MAML3: variants seen among roughly 807,000 people sequenced by gnomAD.
The protein encoded by MAML3 is mastermind like transcriptional coactivator 3.
In MAML3, 27 loss-of-function variants were observed where a neutral mutation model predicts 101.9. The observed-to-expected ratio is 0.27, with a 90% CI of 0.20 to 0.37. MAML3 has a LOEUF of 0.37. MAML3 is among the 10% of genes least tolerant of loss of function. The probability of loss-of-function intolerance (pLI) is 1.00; values close to 1 mark genes in which losing one functional copy is unlikely to be tolerated. For synonymous variants in MAML3, 501 were observed against 555.9 expected, an observed-to-expected ratio of 0.90 and a Z score of 1.39; for missense variants, 1,316 against 1,444.9, an observed-to-expected ratio of 0.91 and a Z score of 1.45.
chr4:139,847,008 G>A (rs912919620), intron 2 of MAML3, among the ~76,000 whole-genome samples: 6 of 152,134 alleles, frequency 3.9e-5, no homozygotes, highest in Non-Finnish European at 5.9e-5. Context: ...AGGATTTTCC[G>A]AATCTATGAG....
chr4:139,751,848 C>T (rs1340807455), intron 2 of MAML3, among the ~76,000 whole-genome samples: 2 of 152,170 alleles, frequency 1.3e-5, no homozygotes, highest in African/African-American at 4.8e-5. Flanking sequence ...AGTATCCATT[C>T]TTATCTCTTA....
chr4:139,987,399 G>A (rs1400570110), intron 1 of MAML3, among the ~76,000 whole-genome samples: 1 of 152,186 alleles, frequency 6.6e-6, no homozygotes, highest in Non-Finnish European at 1.5e-5. Flanking sequence ...GGGTTGTTAT[G>A]ATGTCACTTC....
chr4:139,809,296 G>A (rs1730752938), intron 2 of MAML3, among the ~76,000 whole-genome samples: 1 of 152,208 alleles, frequency 6.6e-6, no homozygotes, highest in South Asian at 2.1e-4. Flanking sequence ...TTTAAATGGG[G>A]AAGGAGAGGT....
At chr4:139,769,870 C>T (rs1489610974) in intron 2 of MAML3, among the ~76,000 whole-genome samples, 1 of 151,450 alleles carries the variant, frequency 6.6e-6, no homozygotes, top group Non-Finnish European at 1.5e-5. Context: ...CCGCCTTGGC[C>T]TCCCAAAGGG....
At chr4:140,051,777 T>C (rs925114397) in intron 1 of MAML3, among the ~76,000 whole-genome samples, 1 of 152,186 alleles carries the variant, frequency 6.6e-6, no homozygotes, top group Non-Finnish European at 1.5e-5. Context: ...TGTTACATTG[T>C]GCTATTCTCA....
intron 1 of MAML3, among the ~76,000 whole-genome samples, chr4:140,127,498 C>A (rs1220450755): frequency 6.6e-6 from 1 of 152,206 alleles, no homozygotes; most frequent in Non-Finnish European, 1.5e-5. Flanking sequence ...GCACCTTCCA[C>A]ACGAGAGGTA....
In MAML3 at chr4:139,768,168, A is replaced by C. The variant is rs187613885; in HGVS notation, c.2080-37501T>G. Among the ~76,000 whole-genome samples the C allele has an allele frequency of 2.8e-5, 4 of 142,014 alleles. No homozygotes were observed. The East Asian group carries it at 8.3e-4, about 29-fold the overall frequency. The allele number at this position is 142,014 out of a possible 152,430, so 93.2% of individuals were successfully genotyped here. A position where few individuals can be genotyped will look rare whatever the true frequency, so the allele number is the denominator to read the frequency against. On this transcript the variant is annotated intron_variant, in intron 2 of 4. Transcript: ENST00000509479. ...ATATTAGTCCTTTCATGGATGCATA[A>C]GTTTGTAAATATTTTCTTCCATTCA...
chr4:140,092,229 G>A (rs912027477), intron 1 of MAML3, among the ~76,000 whole-genome samples: 5 of 151,660 alleles, frequency 3.3e-5, no homozygotes, highest in African/African-American at 7.3e-5. Context: ...GAAACCTTGC[G>A]ACTGAGCATC....
chr4:139,757,541 T>C (rs1350579036), intron 2 of MAML3, among the ~76,000 whole-genome samples: 1 of 146,274 alleles, frequency 6.8e-6, no homozygotes, highest in African/African-American at 2.6e-5. Context: ...TCCCAGCTAC[T>C]GGGGAAGCTG....
intron 1 of MAML3, among the ~76,000 whole-genome samples, chr4:139,932,690 A>C (rs1733425615): frequency 6.6e-6 from 1 of 152,234 alleles, no homozygotes. Flanking sequence ...TAATTAATTA[A>C]TGATCTTTAT....
chr4:139,744,695 G>T (rs1729266837), intron 2 of MAML3, among the ~76,000 whole-genome samples: 1 of 152,202 alleles, frequency 6.6e-6, no homozygotes, highest in Non-Finnish European at 1.5e-5. Context: ...GACTCTCACT[G>T]CAGTGCAGCC....
At chr4:139,801,643 G>T (rs13114088) in intron 2 of MAML3, among the ~76,000 whole-genome samples, 1,830 of 30,596 alleles carry the variant, frequency 0.06, 41 homozygotes, top group African/African-American at 0.13. Context: ...GGTGTGTGTG[G>T]GTGTGTGTGT....
In MAML3 at chr4:139,994,784, GGGGTGT is replaced by G. The variant is rs1381888098; in HGVS notation, c.469-103823_469-103818del. Among the ~76,000 whole-genome samples the G allele has an allele frequency of 1.8e-4, 7 of 38,764 alleles. No homozygotes were observed. In the East Asian group the frequency reaches 0.011, roughly 63 times the overall value. 25.4% of individuals were successfully genotyped at this position (38,764 alleles called of 152,430 possible). ...TTGGTGGTGGTGGTGGTGCTGGTGG[GGGGTGT>G]GTGTGTGTGTGTGTGTGTATGTGTA... On this transcript the variant is annotated intron_variant, in intron 1 of 4. Transcript: ENST00000509479.
chr4:139,754,252 CAT>C lies in MAML3; in HGVS notation c.2080-23587_2080-23586del, dbSNP rs555268717. Among the ~76,000 whole-genome samples the C allele has an allele frequency of 2.6e-4, 39 of 152,314 alleles. No individual in the cohort carries two copies. In the South Asian group the frequency reaches 7.7e-3, roughly 30 times the overall value. ...TGTAAAAAATCACTAATTTTAATCACATGTTTATGTTCTTATAGTTCTTTAAA... is the reference window on the plus strand; with the variant it reads ...TGTAAAAAATCACTAATTTTAATCACGTTTATGTTCTTATAGTTCTTTAAA... On this transcript the variant is annotated intron_variant, in intron 2 of 4. Coordinates refer to ENST00000509479, the MANE Select transcript of MAML3 (RefSeq NM_018717.5).
chr4:140,144,121 T>A (rs1729019472), intron 1 of MAML3, among the ~76,000 whole-genome samples: 1 of 152,104 alleles, frequency 6.6e-6, no homozygotes, highest in African/African-American at 2.4e-5. Flanking sequence ...ATTAGTAGAA[T>A]CCCTTCCTTC....
intron 2 of MAML3, among the ~76,000 whole-genome samples, chr4:139,743,332 G>A (rs1729222763): frequency 6.6e-6 from 1 of 152,236 alleles, no homozygotes; most frequent in Non-Finnish European, 1.5e-5. Context: ...CTCAACCTGA[G>A]AAAGCTTCCC....
intron 4 of MAML3, among the ~76,000 whole-genome samples, chr4:139,724,949 G>A (rs986211673): frequency 6.6e-6 from 1 of 152,068 alleles, no homozygotes; most frequent in African/African-American, 2.4e-5. Context: ...TAGAGAGACA[G>A]GGTTTTGCTA....
chr4:139,907,964 A>G (rs1317900922), intron 1 of MAML3, among the ~76,000 whole-genome samples: 2 of 152,154 alleles, frequency 1.3e-5, no homozygotes, highest in Admixed American at 6.5e-5. Flanking sequence ...GGGTGTCCAC[A>G]TTGCATGTAT....
chr4:139,745,792 T>C (rs1393042318), intron 2 of MAML3, among the ~76,000 whole-genome samples: 1 of 152,244 alleles, frequency 6.6e-6, no homozygotes, highest in Non-Finnish European at 1.5e-5. Context: ...ACATACCACC[T>C]GGTTTTTGAC....
Sources: gnomAD v4.1 joint callset for allele counts (sites outside exome capture counted in the v4.1 genomes callset) on GRCh38, gnomAD v4.1.1 for gene constraint, MANE v1.5 for transcripts, NCBI Gene and HGNC (gene_info 2026-07-23, HGNC 2026-07-21) for gene names.